Variants in KCNIP1 observed in about 807,000 individuals in gnomAD.
KCNIP1 encodes A-type potassium channel modulatory protein KCNIP1.
A neutral mutation model predicts 33.0 loss-of-function variants in KCNIP1; 18 were observed. The observed-to-expected ratio is 0.55, with a 90% CI of 0.38 to 0.81. The LOEUF is 0.81. KCNIP1 is among the 30% of genes least tolerant of loss of function. The pLI, the probability that KCNIP1 is intolerant of heterozygous loss-of-function variation, is 0.00. For missense variants in KCNIP1, 238 were observed against 271.6 expected, an observed-to-expected ratio of 0.88 and a Z score of 0.87; for synonymous variants, 93 against 98.3, an observed-to-expected ratio of 0.95 and a Z score of 0.32.
intron 1 of KCNIP1, among the ~76,000 whole-genome samples, chr5:170,388,356 G>C (rs1372848871): frequency 6.6e-6 from 1 of 152,206 alleles, no homozygotes; most frequent in African/African-American, 2.4e-5. Context: ...GAGAACCTTT[G>C]GCGGGAGGAA....
At chr5:170,720,198 G>C in intron 2 of KCNIP1, 123 bp from the exon 3 acceptor site, 1 of 691,078 alleles carries the variant, frequency 1.4e-6, no homozygotes, top group Non-Finnish European at 2.6e-6. Flanking sequence ...CTTGGGAGAA[G>C]TGGAAATGCA....
chr5:170,383,920 C>G, intron 1 of KCNIP1: 1 of 1,511,312 alleles, frequency 6.6e-7, no homozygotes, highest in Non-Finnish European at 9.0e-7. Context: ...CCCATTTGAA[C>G]CCATTATCCC....
upstream of KCNIP1, among the ~76,000 whole-genome samples, chr5:170,501,701 A>G (rs1425087644): frequency 6.6e-6 from 1 of 152,186 alleles, no homozygotes; most frequent in Admixed American, 6.5e-5. Context: ...CAGAGCCCCA[A>G]GGGGGAAGTA....
rs1036975619 is a variant in KCNIP1 at position 170,504,331 on chromosome 5, G to T, written c.-242G>T. 58 of 1,376,468 alleles carry T rather than the reference G, an allele frequency of 4.2e-5. No homozygotes were observed. The highest frequency in any genetic ancestry group is 5.4e-5 in the Non-Finnish European group (58 of 1,070,320). 85.3% of individuals were successfully genotyped at this position (1,376,468 alleles called of 1,614,324 possible). A position where few individuals can be genotyped will look rare whatever the true frequency, so the allele number is the denominator to read the frequency against. ...ACCGCCGGGCCGGGTCCTCGCGCGG[G>T]GAAGCGGTTCCGAAGGCTCGCGGGG... On this transcript the variant is annotated 5_prime_UTR_variant, in exon 1 of 8. An upstream open reading frame in the 5' UTR gains an earlier in-frame stop. Coordinates refer to ENST00000328939, the MANE Select transcript of KCNIP1 (RefSeq NM_014592.4). This position sits in a 1 kb window ranked among gnomAD's most constrained non-coding sequence, Gnocchi z 6.0.
chr5:170,454,190 G>A (rs1756321659), intron 1 of KCNIP1, among the ~76,000 whole-genome samples: 1 of 152,224 alleles, frequency 6.6e-6, no homozygotes, highest in Non-Finnish European at 1.5e-5. Context: ...AAAACGTCCT[G>A]CAGTTTTAGA....
intron 1 of KCNIP1, among the ~76,000 whole-genome samples, chr5:170,657,473 T>G (rs577524721): frequency 2.6e-5 from 4 of 152,306 alleles, no homozygotes; most frequent in Admixed American, 2.0e-4. Context: ...ATCTGGAAGG[T>G]GCTGGCTGCC....
At chr5:170,431,167 T>C (rs943592016) in intron 1 of KCNIP1, among the ~76,000 whole-genome samples, 1 of 152,236 alleles carries the variant, frequency 6.6e-6, no homozygotes, top group Non-Finnish European at 1.5e-5. Context: ...GGGTTGTGAA[T>C]TGAAGCGGGC....
intron 1 of KCNIP1, among the ~76,000 whole-genome samples, chr5:170,633,990 C>T (rs113068942): frequency 0.093 from 14,115 of 152,060 alleles, 1,236 homozygotes; most frequent in African/African-American, 0.23. Flanking sequence ...CGGCTCTGGC[C>T]AGGTTAGTGG....
intron 5 of KCNIP1, among the ~76,000 whole-genome samples, chr5:170,726,919 A>G (rs529783143): frequency 1.3e-5 from 2 of 149,086 alleles, no homozygotes; most frequent in South Asian, 2.2e-4. Context: ...TCAAAAAAAG[A>G]AAAAAAGAAG....
intron 1 of KCNIP1, among the ~76,000 whole-genome samples, chr5:170,384,516 C>A (rs1764385582): frequency 6.6e-6 from 1 of 152,166 alleles, no homozygotes; most frequent in South Asian, 2.1e-4. Context: ...CTGCAGCAGG[C>A]CCGGGAGAGG....
chr5:170,523,506 C>T (rs913434738), intron 1 of KCNIP1, among the ~76,000 whole-genome samples: 1 of 152,302 alleles, frequency 6.6e-6, no homozygotes, highest in South Asian at 2.1e-4. Context: ...GTAATCATTC[C>T]TCCTCCTAAG....
At chr5:170,682,784 C>CTTTTTTTGTTTTTTTTTTT (rs1762396579) in intron 1 of KCNIP1, among the ~76,000 whole-genome samples, 1 of 71,404 alleles carries the variant, frequency 1.4e-5, no homozygotes, top group Admixed American at 2.3e-4. Context: ...TTCTTTGTTT[C>CTTTTTTTGTTTTTTTTTTT]TTTTTTTTTT....
intron 5 of KCNIP1, among the ~76,000 whole-genome samples, chr5:170,730,315 T>A (rs1311176844): frequency 6.6e-6 from 1 of 152,196 alleles, no homozygotes; most frequent in Non-Finnish European, 1.5e-5. Context: ...TCCCTTTTTG[T>A]AATTTGCAAA....
At chr5:170,705,376 T>C (rs186722569) in intron 1 of KCNIP1, among the ~76,000 whole-genome samples, 1 of 152,306 alleles carries the variant, frequency 6.6e-6, no homozygotes, top group East Asian at 1.9e-4. Context: ...TGGAAGTTCA[T>C]GTTCCAGTGG....
chr5:170,680,029 A>G (rs939838647), intron 1 of KCNIP1, among the ~76,000 whole-genome samples: 11 of 152,224 alleles, frequency 7.2e-5, no homozygotes, highest in African/African-American at 2.7e-4. Flanking sequence ...AAGTGATTCA[A>G]GAGAGTGTCT....
intron 1 of KCNIP1, chr5:170,383,976 T>C: frequency 1.1e-6 from 1 of 923,128 alleles, no homozygotes; most frequent in Non-Finnish European, 1.6e-6. Context: ...TCATCTTGTC[T>C]TCAGCATCCA....
chr5:170,472,869 GC>G (rs1337957744), intron 1 of KCNIP1, among the ~76,000 whole-genome samples: 4 of 152,134 alleles, frequency 2.6e-5, no homozygotes, highest in Non-Finnish European at 5.9e-5. Context: ...TTTTGCAATT[GC>G]GAATTGTGCT....
chr5:170,472,514 T>C (rs936554707), intron 1 of KCNIP1, among the ~76,000 whole-genome samples: 1 of 152,178 alleles, frequency 6.6e-6, no homozygotes, highest in African/African-American at 2.4e-5. Flanking sequence ...TTGTGAGATT[T>C]TGGTGCACCC....
chr5:170,702,801 A>C (rs1221084030), intron 1 of KCNIP1, among the ~76,000 whole-genome samples: 4 of 151,898 alleles, frequency 2.6e-5, no homozygotes, highest in Admixed American at 2.6e-4. Flanking sequence ...AAATAGGAAC[A>C]ATAATTAGCT....
Sources: gnomAD v4.1 joint callset for allele counts (sites outside exome capture counted in the v4.1 genomes callset) on GRCh38, gnomAD v4.1.1 for gene constraint, Gnocchi (gnomAD v3.1) non-coding constraint, MANE v1.5 for transcripts, NCBI Gene and HGNC (gene_info 2026-07-23, HGNC 2026-07-21) for gene names.